The following SMAD6 variants were observed in gnomAD, a reference collection of about 807,000 sequenced individuals.
SMAD6 encodes the protein MAD homolog 6.
A neutral mutation model predicts 39.4 loss-of-function variants in SMAD6; 103 were observed. The observed-to-expected ratio is 2.62, with a 90% confidence interval of 2.23 to 3.08. The LOEUF (loss-of-function observed/expected upper bound fraction) is 3.08, where lower values mean the gene tolerates loss of function less well. Among genes scored for constraint, SMAD6 ranks in the 30% most tolerant of loss-of-function variants. The pLI is 0.00. For synonymous variants in SMAD6, 445 were observed against 353.3 expected (o/e 1.26, Z -2.91); for missense variants, 1,104 against 742.9 (o/e 1.49, Z -5.65).
In SMAD6 at chr15:66,720,187, A is replaced by T. The variant is rs571689675; in HGVS notation, c.952+3689A>T. 1.4e-3 allele frequency among the ~76,000 whole-genome samples: 209 copies of T among 151,618 alleles called. 3 individuals are homozygous for T. Among genetic ancestry groups the T allele is most frequent in the African/African-American group, 4.9e-3 (203 of 41,308 alleles). ...TTTAGTTTGGGGAGGAAAGGAAGAG[A>T]AGCTAGTTAAATAAATTCATACTAA... On this transcript the variant is annotated intron_variant, in intron 3 of 3. Transcript: ENST00000288840.
At chr15:66,765,602 T>A (rs1245474555) in intron 3 of SMAD6, among the ~76,000 whole-genome samples, 3 of 152,196 alleles carry the variant, frequency 2.0e-5, no homozygotes, top group African/African-American at 7.2e-5. Context: ...CTCATTGATT[T>A]CACTGATTAC....
intron 1 of SMAD6, among the ~76,000 whole-genome samples, chr15:66,710,652 C>T (rs932536777): frequency 3.3e-5 from 5 of 152,032 alleles, no homozygotes; most frequent in East Asian, 1.9e-4. Context: ...TTTCATTTAC[C>T]GAAAATGAAG....
chr15:66,734,386 C>T (rs540356987), intron 3 of SMAD6, among the ~76,000 whole-genome samples: 3 of 152,260 alleles, frequency 2.0e-5, no homozygotes, highest in African/African-American at 4.8e-5. Context: ...AGGGAAGCAA[C>T]CTCCTCTCCC....
chr15:66,725,845 A>G (rs1473706259), intron 3 of SMAD6, among the ~76,000 whole-genome samples: 1 of 152,084 alleles, frequency 6.6e-6, no homozygotes, highest in African/African-American at 2.4e-5. Context: ...GAAATGGGGC[A>G]CCCAGCAGGC....
At chr15:66,707,873 G>A (rs1422063672) in intron 1 of SMAD6, 1 of 152,322 alleles carries the variant, frequency 6.6e-6, no homozygotes, top group African/African-American at 2.4e-5. Flanking sequence ...GAGCTGGAAA[G>A]ATGGGGGTGT....
chr15:66,703,652 C>T lies in SMAD6; in HGVS notation c.394C>T (p.Arg132Trp). The change falls in exon 1 of 4, where the codon CGG becomes TGG. Residue 132 changes from arginine (R) to tryptophan (W), a missense_variant. Coordinates refer to ENST00000288840, the MANE Select transcript of SMAD6 (RefSeq NM_005585.5). The part of the protein sequence containing the change: ...ETVTCCLFSE[R>W]DAAGAPRDAS... ...GGTGACCTGCTGTCTCTTTTCGGAG[C>T]GGGACGCCGCCGGCGCGCCCCGGGA... 8.1e-7 allele frequency: 1 copy of T among 1,232,100 alleles called. No homozygotes were observed. Among genetic ancestry groups the T allele is most frequent in the Non-Finnish European group, 1.0e-6 (1 of 986,616 alleles). The allele number at this position is 1,232,100 out of a possible 1,614,324, so 76.3% of individuals were successfully genotyped here. A position where few individuals can be genotyped will look rare whatever the true frequency, so the allele number is the denominator to read the frequency against.
chr15:66,721,945 A>T (rs760604184), intron 3 of SMAD6, among the ~76,000 whole-genome samples: 2 of 152,168 alleles, frequency 1.3e-5, no homozygotes, highest in Non-Finnish European at 2.9e-5. Flanking sequence ...AATGAATGGA[A>T]GTCAGAAAGA....
At position 66,726,493 on chromosome 15, in the gene SMAD6, G is replaced by A. The variant is rs566056096; in HGVS notation, c.952+9995G>A. On this transcript the variant is annotated intron_variant, in intron 3 of 3. Transcript: ENST00000288840. ...GGCTTCCTGTGCTGTTTGACTGAGA[G>A]GGAAGCCGAGGAGGGTGGAGAGAGG... 2.6e-5 allele frequency among the ~76,000 whole-genome samples: 4 copies of A among 152,328 alleles called. No individual in the cohort carries two copies. The South Asian group carries it at 8.3e-4, about 32-fold the overall frequency.
intron 3 of SMAD6, among the ~76,000 whole-genome samples, chr15:66,780,690 G>C (rs1894542612): frequency 6.6e-6 from 1 of 152,222 alleles, no homozygotes; most frequent in African/African-American, 2.4e-5. Context: ...GAAGAGGCAG[G>C]GGCAGGGTGT....
chr15:66,707,553 T>TGCTCCTCCTA (rs1205097581), intron 1 of SMAD6: 69 of 152,318 alleles, frequency 4.5e-4, no homozygotes, highest in African/African-American at 1.6e-3. Flanking sequence ...CCTGCTTGTC[T>TGCTCCTCCTA]GCTCCTCCTA....
chr15:66,774,907 G>T (rs894639786), intron 3 of SMAD6, among the ~76,000 whole-genome samples: 14 of 150,928 alleles, frequency 9.3e-5, no homozygotes, highest in African/African-American at 3.4e-4. Context: ...TGTTGCCCAG[G>T]CTGGAGTGCA....
intron 3 of SMAD6, among the ~76,000 whole-genome samples, chr15:66,739,147 A>G (rs1179395915): frequency 6.8e-6 from 1 of 147,712 alleles, no homozygotes; most frequent in East Asian, 2.0e-4. Context: ...CTGGAGTGCA[A>G]TAGTGCAGTC....
chr15:66,721,900 G>T (rs57107202), intron 3 of SMAD6, among the ~76,000 whole-genome samples: 7,838 of 152,250 alleles, frequency 0.051, 629 homozygotes, highest in African/African-American at 0.17. Context: ...AGGTAGCTGG[G>T]GAAGGCTTCC....
chr15:66,725,135 A>G (rs1250773907), intron 3 of SMAD6, among the ~76,000 whole-genome samples: 1 of 152,222 alleles, frequency 6.6e-6, no homozygotes, highest in African/African-American at 2.4e-5. Context: ...TCTTTGATGC[A>G]GAAAATATAT....
At position 66,782,055 on chromosome 15, in the gene SMAD6, T is replaced by C; in HGVS notation, c.*520T>C. The C allele has an allele frequency of 7.5e-6, 3 of 397,930 alleles. No individual in the cohort carries two copies. Among genetic ancestry groups the C allele is most frequent in the Non-Finnish European group, 1.3e-5 (3 of 225,804 alleles). The allele number at this position is 397,930 out of a possible 1,614,324, so 24.6% of individuals were successfully genotyped here. A position where few individuals can be genotyped will look rare whatever the true frequency, so the allele number is the denominator to read the frequency against. On this transcript the variant is annotated 3_prime_UTR_variant, in exon 4 of 4. Coordinates refer to ENST00000288840, the MANE Select transcript of SMAD6 (RefSeq NM_005585.5). ...AGGGCTTCAGCGGATTTCTGACCCATCATGTACCTTGAAACTTGACCTCAG... is the reference window on the plus strand; with the variant it reads ...AGGGCTTCAGCGGATTTCTGACCCACCATGTACCTTGAAACTTGACCTCAG...
intron 3 of SMAD6, among the ~76,000 whole-genome samples, chr15:66,761,931 G>A (rs1894207469): frequency 1.3e-5 from 2 of 152,140 alleles, no homozygotes; most frequent in Admixed American, 1.3e-4. Flanking sequence ...GTGGTGTGTG[G>A]ATTCCCCAGA....
At chr15:66,733,353 G>T (rs973359846) in intron 3 of SMAD6, among the ~76,000 whole-genome samples, 1 of 152,192 alleles carries the variant, frequency 6.6e-6, no homozygotes, top group Non-Finnish European at 1.5e-5. Flanking sequence ...TTTTGATTGG[G>T]ATTGCATTGA....
At chr15:66,727,367 T>C (rs1401253210) in intron 3 of SMAD6, among the ~76,000 whole-genome samples, 3 of 152,208 alleles carry the variant, frequency 2.0e-5, no homozygotes, top group Middle Eastern at 3.2e-3. Flanking sequence ...CCTCCCAAAA[T>C]GCTGAGATTA....
intron 3 of SMAD6, among the ~76,000 whole-genome samples, chr15:66,728,230 C>T (rs7167440): frequency 0.53 from 80,761 of 151,972 alleles, 21,743 homozygotes; most frequent in East Asian, 0.76. Flanking sequence ...TCTCATGTCC[C>T]CTTTCAGCCA....
Sources: allele counts gnomAD v4.1 joint callset (sites outside exome capture counted in the v4.1 genomes callset), GRCh38; gene constraint gnomAD v4.1.1; transcripts MANE v1.5; gene names NCBI Gene and HGNC (gene_info 2026-07-23, HGNC 2026-07-21).